The following TTC3 variants were observed in gnomAD, a reference collection of about 807,000 sequenced individuals.
The protein encoded by TTC3 is tetratricopeptide repeat domain 3, also known as E3 ubiquitin-protein ligase TTC3.
Under a neutral mutation model 249.6 loss-of-function variants are expected in TTC3, and 180 were observed. The ratio of observed to expected loss-of-function variants is 0.72; its 90% confidence interval spans 0.64 to 0.82. TTC3 has a LOEUF of 0.82. Among genes scored for constraint, TTC3 ranks in the 40% least tolerant of loss-of-function variants. TTC3 has a pLI of 0.00. For synonymous variants in TTC3, 717 were observed against 805.0 expected, an observed-to-expected ratio of 0.89 and a Z score of 1.85; for missense variants, 2,061 against 2,398.4, an observed-to-expected ratio of 0.86 and a Z score of 2.94.
chr21:37,178,919 C>T (rs773833050), intron 35 of TTC3, among the ~76,000 whole-genome samples: 58 of 151,840 alleles, frequency 3.8e-4, no homozygotes, highest in Non-Finnish European at 2.8e-4. Context: ...CAGGATCATG[C>T]CATTGCACCC....
At chr21:37,166,458 T>C (rs1228612866) in exon 33 of TTC3, 2 of 1,614,208 alleles carry the variant, frequency 1.2e-6, no homozygotes, top group Non-Finnish European at 8.5e-7. Flanking sequence ...GGAATATCTG[T>C]AAAGTCACAC....
intron 18 of TTC3, 38 bp downstream of exon 18, chr21:37,135,552 A>G: frequency 6.3e-7 from 1 of 1,599,252 alleles, no homozygotes; most frequent in South Asian, 1.1e-5. Context: ...ATCAATGCTA[A>G]TGCACCTCAG....
chr21:37,150,734 C>T, intron 24 of TTC3, 86 bp from the exon 25 acceptor site: 1 of 868,780 alleles, frequency 1.2e-6, no homozygotes, highest in Non-Finnish European at 2.0e-6. Flanking sequence ...ATTATGTGTG[C>T]TTCTGAAATA....
exon 22 of TTC3, chr21:37,147,519 T>G (rs1203278342): frequency 6.2e-7 from 1 of 1,610,542 alleles, no homozygotes; most frequent in Admixed American, 1.7e-5. Context: ...GCAAGTTCCC[T>G]CCAGTGCCAG....
At chr21:37,123,607 G>A (rs2076801781) in intron 13 of TTC3, among the ~76,000 whole-genome samples, 1 of 152,078 alleles carries the variant, frequency 6.6e-6, no homozygotes, top group South Asian at 2.1e-4. Flanking sequence ...CAGATGTCTG[G>A]GATACCGAAG....
At chr21:37,180,120 C>A (rs981764181) in intron 35 of TTC3, among the ~76,000 whole-genome samples, 10 of 152,202 alleles carry the variant, frequency 6.6e-5, no homozygotes, top group Non-Finnish European at 1.3e-4. Context: ...CTTCTTGAGG[C>A]CCTTCTGTCT....
intron 35 of TTC3, among the ~76,000 whole-genome samples, chr21:37,179,025 A>G (rs1345377332): frequency 6.6e-6 from 1 of 152,112 alleles, no homozygotes; most frequent in Non-Finnish European, 1.5e-5. Flanking sequence ...TAATCCCAGC[A>G]CTTTGGGAGG....
chr21:37,183,768 G>A (rs1415429679), intron 36 of TTC3, among the ~76,000 whole-genome samples: 1 of 152,156 alleles, frequency 6.6e-6, no homozygotes, highest in Non-Finnish European at 1.5e-5. Flanking sequence ...TTACATGGTA[G>A]CTAAGGACTT....
At chr21:37,194,249 G>A (rs151040769) in intron 41 of TTC3, among the ~76,000 whole-genome samples, 14 of 152,300 alleles carry the variant, frequency 9.2e-5, no homozygotes, top group South Asian at 4.1e-4. Flanking sequence ...GCAGTCAACC[G>A]CAGTTAGAAA....
chr21:37,140,080 TAA>T (rs1461206953), intron 19 of TTC3, among the ~76,000 whole-genome samples: 1 of 152,220 alleles, frequency 6.6e-6, no homozygotes, highest in African/African-American at 2.4e-5. Context: ...TAAGCTATGT[TAA>T]GTGTTTACTA....
intron 1 of TTC3, among the ~76,000 whole-genome samples, chr21:37,085,453 T>G (rs2072326606): frequency 6.6e-6 from 1 of 152,184 alleles, no homozygotes; most frequent in Non-Finnish European, 1.5e-5. Context: ...GAAACCAAAT[T>G]GTTAGGAAAC....
chr21:37,197,800 TAAAGACAG>T, intron 43 of TTC3, 74 bp from the exon 44 acceptor site: 2 of 1,552,998 alleles, frequency 1.3e-6, no homozygotes, highest in Non-Finnish European at 1.7e-6. Context: ...AGCAATGTAC[TAAAGACAG>T]AAGATGGTCA....
At chr21:37,175,282 A>G (rs1601995446) in intron 35 of TTC3, among the ~76,000 whole-genome samples, 2 of 148,484 alleles carry the variant, frequency 1.3e-5, no homozygotes, top group South Asian at 4.3e-4. Flanking sequence ...AAAAAAAAAA[A>G]AAAAGGAATG....
chr21:37,079,529 T>TTG (rs1568840081), intron 1 of TTC3, among the ~76,000 whole-genome samples: 3 of 139,332 alleles, frequency 2.2e-5, no homozygotes, highest in African/African-American at 8.3e-5. Flanking sequence ...TTTTTTTTTT[T>TTG]TTTTTTTTTT....
intron 29 of TTC3, 57 bp downstream of exon 29, chr21:37,159,802 G>T (rs2080519427): frequency 3.9e-6 from 6 of 1,543,346 alleles, no homozygotes; most frequent in Non-Finnish European, 5.4e-6. Context: ...AACCAAGGAT[G>T]AGAAGGGGAC....
Position 37,198,103 on chromosome 21 carries a change from A to T in TTC3, c.5850+78A>T, listed in dbSNP as rs996070722. On this transcript the variant is annotated intron_variant, in intron 44 of 45. Coordinates refer to ENST00000355666, the Ensembl canonical transcript of TTC3. Reference sequence around the variant, plus strand: ...AATTTTTAATCCATGATTTAGCCCCATTCATTTCTAGACCTAATTTATTTG... The same window carrying T: ...AATTTTTAATCCATGATTTAGCCCCTTTCATTTCTAGACCTAATTTATTTG... The T allele has an allele frequency of 1.2e-5, 18 of 1,459,306 alleles. No individual in the cohort carries two copies. The Admixed American group carries it at 3.3e-4, about 27-fold the overall frequency. 90.4% of individuals were successfully genotyped at this position (1,459,306 alleles called of 1,614,324 possible). A position where few individuals can be genotyped will look rare whatever the true frequency, so the allele number is the denominator to read the frequency against.
chr21:37,200,168 A>C, intron 44 of TTC3, 64 bp from the exon 45 acceptor site: 2 of 1,491,120 alleles, frequency 1.3e-6, no homozygotes, highest in Non-Finnish European at 1.8e-6. Context: ...ACTTGAAGGA[A>C]GAACTCGTGT....
chr21:37,099,924 C>A (rs2074312125), intron 10 of TTC3, among the ~76,000 whole-genome samples: 1 of 152,092 alleles, frequency 6.6e-6, no homozygotes, highest in Non-Finnish European at 1.5e-5. Flanking sequence ...TATATTCATA[C>A]AATGGAATTC....
At position 37,188,601 on chromosome 21, in the gene TTC3, G is replaced by A. The variant is rs1166512968; in HGVS notation, c.5024+6G>A. The A allele has an allele frequency of 1.2e-6, 2 of 1,612,346 alleles. No homozygotes were observed. The highest frequency in any genetic ancestry group is 1.3e-5 in the African/African-American group (1 of 74,890). On this transcript the variant is annotated splice_donor_region_variant and intron_variant, in intron 39 of 45. Coordinates refer to ENST00000355666, the Ensembl canonical transcript of TTC3. ...AAGCTGGGGCTGATTAGCCGGTATT[G>A]CAGTTTCGTGGGTGTTCTCAGCACG...
Sources: gnomAD v4.1 joint callset for allele counts (sites outside exome capture counted in the v4.1 genomes callset) on GRCh38, gnomAD v4.1.1 for gene constraint, MANE v1.5 for transcripts, NCBI Gene and HGNC (gene_info 2026-07-23, HGNC 2026-07-21) for gene names.